Variants in IQCJ observed in about 807,000 individuals in gnomAD.
IQCJ encodes IQ motif containing J, also known as IQ domain-containing protein J.
In IQCJ, 9 loss-of-function variants were observed where a neutral mutation model predicts 11.0. The ratio of observed to expected loss-of-function variants is 0.82; its 90% CI spans 0.49 to 1.43. The LOEUF is 1.43. Among genes scored for constraint, IQCJ ranks in the 40% most tolerant of loss-of-function variants. IQCJ has a pLI of 0.00. For synonymous variants in IQCJ, 55 were observed against 51.3 expected, an observed-to-expected ratio of 1.07 and a Z score of -0.31; for missense variants, 146 against 133.2, an observed-to-expected ratio of 1.10 and a Z score of -0.47.
At chr3:159,229,212 T>G (rs1364699128) in intron 1 of IQCJ, among the ~76,000 whole-genome samples, 1 of 152,178 alleles carries the variant, frequency 6.6e-6, no homozygotes, top group Non-Finnish European at 1.5e-5. Context: ...TCTTTCCACA[T>G]TCTGCACACA....
intron 1 of IQCJ, among the ~76,000 whole-genome samples, chr3:159,241,622 C>T (rs1387407185): frequency 1.4e-4 from 22 of 152,090 alleles, no homozygotes; most frequent in Admixed American, 1.4e-3. Flanking sequence ...ATACTTCTGT[C>T]ACAGTTCCAG....
chr3:159,133,017 G>A (rs1184114367), intron 1 of IQCJ, among the ~76,000 whole-genome samples: 1 of 152,034 alleles, frequency 6.6e-6, no homozygotes, highest in African/African-American at 2.4e-5. Context: ...TTTTCTACAT[G>A]TGTATGTCTG....
At chr3:159,214,671 G>A (rs1560028243) in intron 1 of IQCJ, among the ~76,000 whole-genome samples, 1 of 152,104 alleles carries the variant, frequency 6.6e-6, no homozygotes, top group Non-Finnish European at 1.5e-5. Flanking sequence ...TATAACATAG[G>A]CCCTTTCCAT....
At chr3:159,214,336 C>A (rs13079265) in intron 1 of IQCJ, among the ~76,000 whole-genome samples, 20,116 of 152,140 alleles carry the variant, frequency 0.13, 1,502 homozygotes, top group Middle Eastern at 0.2. Context: ...GTTTGGCCTC[C>A]TGATGATCTC....
chr3:159,169,391 T>C (rs1472457760), intron 1 of IQCJ, among the ~76,000 whole-genome samples: 1 of 151,252 alleles, frequency 6.6e-6, no homozygotes, highest in Non-Finnish European at 1.5e-5. Flanking sequence ...GTTCAAGCAG[T>C]TCTCCTCCCT....
intron 1 of IQCJ, among the ~76,000 whole-genome samples, chr3:159,118,354 A>G (rs17782518): frequency 0.33 from 50,063 of 151,426 alleles, 8,580 homozygotes; most frequent in Non-Finnish European, 0.39. Flanking sequence ...GAAGGAATCT[A>G]TTGAAGGCTT....
At chr3:159,091,931 T>C (rs1332270498) in intron 1 of IQCJ, among the ~76,000 whole-genome samples, 1 of 151,836 alleles carries the variant, frequency 6.6e-6, no homozygotes, top group South Asian at 2.1e-4. Context: ...TAGAATTAGA[T>C]AATAACTATT....
intron 1 of IQCJ, among the ~76,000 whole-genome samples, chr3:159,122,383 T>C (rs991500775): frequency 2.0e-5 from 3 of 152,206 alleles, no homozygotes; most frequent in Non-Finnish European, 4.4e-5. Context: ...CTGTTCGATA[T>C]GAGACTTCGT....
In IQCJ at chr3:159,262,789, CA is replaced by C. The variant is rs1485066406; in HGVS notation, c.*59del. Reference sequence around the variant, plus strand: ...TGGGATGTGAGCAGGTGGTTTGTGACAGTGAAGATCTATGTAGCTTATTTGC... The same window carrying C: ...TGGGATGTGAGCAGGTGGTTTGTGACGTGAAGATCTATGTAGCTTATTTGC... On this transcript the variant is annotated 3_prime_UTR_variant, in exon 4 of 4. Coordinates refer to ENST00000397832, the MANE Select transcript of IQCJ (RefSeq NM_001042706.3). 6 of 1,566,386 alleles carry C rather than the reference CA, an allele frequency of 3.8e-6. No homozygotes were observed. Among genetic ancestry groups the C allele is most frequent in the Non-Finnish European group, 5.2e-6 (6 of 1,153,132 alleles).
intron 1 of IQCJ, among the ~76,000 whole-genome samples, chr3:159,094,782 A>T (rs528336055): frequency 1.3e-5 from 2 of 151,874 alleles, no homozygotes; most frequent in Non-Finnish European, 2.9e-5. Flanking sequence ...TTGACCTTGG[A>T]TGGGTCAAAT....
intron 2 of IQCJ, among the ~76,000 whole-genome samples, chr3:159,249,011 C>A (rs188466359): frequency 1.7e-3 from 255 of 152,082 alleles, no homozygotes; most frequent in African/African-American, 6.0e-3. Flanking sequence ...TGCCTGCCAC[C>A]ACACCGGCTA....
intron 1 of IQCJ, among the ~76,000 whole-genome samples, chr3:159,203,625 A>G (rs935526888): frequency 6.6e-6 from 1 of 152,058 alleles, no homozygotes; most frequent in Non-Finnish European, 1.5e-5. Context: ...AAAGAGAAAG[A>G]CAGGGGAGGA....
intron 1 of IQCJ, among the ~76,000 whole-genome samples, chr3:159,091,059 C>CAG (rs1717242648): frequency 6.6e-6 from 1 of 151,510 alleles, no homozygotes. Context: ...TTAATGTTGA[C>CAG]CTATGGAAAC....
At chr3:159,090,325 C>T (rs1161622246) in intron 1 of IQCJ, among the ~76,000 whole-genome samples, 1 of 151,846 alleles carries the variant, frequency 6.6e-6, no homozygotes, top group Non-Finnish European at 1.5e-5. Flanking sequence ...CCACTGCTCT[C>T]TTCAAAGCTC....
chr3:159,259,652 A>G (rs1201068589), intron 3 of IQCJ, among the ~76,000 whole-genome samples: 1 of 152,236 alleles, frequency 6.6e-6, no homozygotes, highest in Non-Finnish European at 1.5e-5. Context: ...TGTTGTAGGA[A>G]TCGCCAAGGG....
chr3:159,217,770 C>T (rs1725313009), intron 1 of IQCJ, among the ~76,000 whole-genome samples: 1 of 152,134 alleles, frequency 6.6e-6, no homozygotes, highest in South Asian at 2.1e-4. Context: ...TTTCCTGGGT[C>T]TTCCCTGCAA....
intron 1 of IQCJ, among the ~76,000 whole-genome samples, chr3:159,145,904 C>T (rs1047804941): frequency 2.0e-5 from 3 of 152,058 alleles, no homozygotes; most frequent in African/African-American, 4.8e-5. Flanking sequence ...AATTTAGACC[C>T]GCATACATCA....
At chr3:159,183,182 A>G (rs959478445) in intron 1 of IQCJ, among the ~76,000 whole-genome samples, 1 of 152,178 alleles carries the variant, frequency 6.6e-6, no homozygotes, top group Non-Finnish European at 1.5e-5. Flanking sequence ...GGTGGTTCAG[A>G]GTTAGAAAAG....
intron 1 of IQCJ, among the ~76,000 whole-genome samples, chr3:159,219,928 G>A (rs1397638452): frequency 1.3e-5 from 2 of 152,090 alleles, no homozygotes; most frequent in East Asian, 3.9e-4. Context: ...GCTTTCCTCT[G>A]CACTCAGTGG....
Sources: allele counts gnomAD v4.1 joint callset (sites outside exome capture counted in the v4.1 genomes callset), GRCh38; gene constraint gnomAD v4.1.1; transcripts MANE v1.5; gene names NCBI Gene and HGNC (gene_info 2026-07-23, HGNC 2026-07-21).